ABLIM1: variants seen among roughly 807,000 people sequenced by gnomAD.
ABLIM1 encodes the protein actin-binding LIM protein 1.
Under a neutral mutation model 107.0 loss-of-function variants are expected in ABLIM1, and 40 were observed. The ratio of observed to expected loss-of-function variants is 0.37; its 90% CI spans 0.29 to 0.49. The LOEUF is 0.49. Ranked by LOEUF, ABLIM1 falls within the 20% of genes least tolerant of loss-of-function variation. ABLIM1 has a pLI of 0.97. For synonymous variants in ABLIM1, 357 were observed against 357.3 expected, an observed-to-expected ratio of 1.00 and a Z score of 0.01; for missense variants, 857 against 1,008.5, an observed-to-expected ratio of 0.85 and a Z score of 2.04.
chr10:114,456,934 T>TAAA (rs61165310), intron 12 of ABLIM1, among the ~76,000 whole-genome samples: 23 of 138,186 alleles, frequency 1.7e-4, no homozygotes, highest in East Asian at 4.4e-4. Flanking sequence ...GTTTTTTTTT[T>TAAA]AAAAAAAAAA....
intron 7 of ABLIM1, among the ~76,000 whole-genome samples, chr10:114,491,010 G>GTATATATA (rs1484101683): frequency 5.6e-5 from 5 of 89,186 alleles, no homozygotes; most frequent in African/African-American, 1.0e-4. Context: ...GTGTGTGTGT[G>GTATATATA]TGTATATATA....
intron 1 of ABLIM1, among the ~76,000 whole-genome samples, chr10:114,709,642 G>A (rs2081503170): frequency 6.6e-6 from 1 of 152,102 alleles, no homozygotes; most frequent in Admixed American, 6.6e-5. Flanking sequence ...AAGGCGAAAG[G>A]TTCTTTTCTC....
At chr10:114,714,945 T>G (rs2081629355) in intron 1 of ABLIM1, among the ~76,000 whole-genome samples, 2 of 152,128 alleles carry the variant, frequency 1.3e-5, no homozygotes, top group Admixed American at 6.6e-5. Context: ...ATCTCCCTAT[T>G]ATGCCATGAA....
intron 13 of ABLIM1, among the ~76,000 whole-genome samples, chr10:114,452,232 T>C (rs1216969927): frequency 2.6e-5 from 4 of 152,130 alleles, no homozygotes; most frequent in Non-Finnish European, 5.9e-5. Context: ...GGCCAAATTT[T>C]TTAAAAAAAG....
At chr10:114,643,792 G>T (rs1591710457) in intron 1 of ABLIM1, among the ~76,000 whole-genome samples, 1 of 151,748 alleles carries the variant, frequency 6.6e-6, no homozygotes, top group Non-Finnish European at 1.5e-5. Context: ...CCCAGGCTAG[G>T]TTTAAACTTC....
At chr10:114,763,178 C>T (rs1266607506) in intron 1 of ABLIM1, among the ~76,000 whole-genome samples, 1 of 152,010 alleles carries the variant, frequency 6.6e-6, no homozygotes, top group East Asian at 1.9e-4. Flanking sequence ...TTGAATTGGA[C>T]CGAAAGCTAA....
At chr10:114,666,498 T>C (rs2080030213) in intron 1 of ABLIM1, among the ~76,000 whole-genome samples, 1 of 152,086 alleles carries the variant, frequency 6.6e-6, no homozygotes, top group Admixed American at 6.5e-5. Context: ...CGACGATAGA[T>C]GAAACTAAAG....
intron 1 of ABLIM1, among the ~76,000 whole-genome samples, chr10:114,644,321 ATATATATATG>A (rs1342202792): frequency 1.2e-4 from 15 of 124,444 alleles, no homozygotes; most frequent in African/African-American, 5.1e-4. Context: ...ATATATATAT[ATATATATATG>A]TGTATATATT....
At chr10:114,718,151 A>G (rs896600376) in intron 1 of ABLIM1, among the ~76,000 whole-genome samples, 1 of 151,130 alleles carries the variant, frequency 6.6e-6, no homozygotes, top group African/African-American at 2.4e-5. Context: ...AGAAAGAGAA[A>G]AAAAGAAAAA....
intron 3 of ABLIM1, among the ~76,000 whole-genome samples, chr10:114,573,447 A>G (rs187283360): frequency 6.6e-6 from 1 of 152,350 alleles, no homozygotes; most frequent in East Asian, 1.9e-4. Flanking sequence ...TTGCTGGCTC[A>G]AATGTCCAGG....
At chr10:114,620,615 T>C (rs371289735) in intron 1 of ABLIM1, among the ~76,000 whole-genome samples, 42 of 152,242 alleles carry the variant, frequency 2.8e-4, no homozygotes, top group African/African-American at 9.6e-4. Flanking sequence ...TTTCACCATG[T>C]TGCCCAGGCT....
intron 1 of ABLIM1, among the ~76,000 whole-genome samples, chr10:114,672,657 T>C (rs2080305771): frequency 6.6e-6 from 1 of 152,238 alleles, no homozygotes; most frequent in Non-Finnish European, 1.5e-5. Flanking sequence ...TTTTGTCTTT[T>C]ATGGCTAGTG....
At chr10:114,658,770 A>T (rs1015623864), upstream of ABLIM1, among the ~76,000 whole-genome samples, 1 of 152,120 alleles carries the variant, frequency 6.6e-6, no homozygotes, top group Admixed American at 6.5e-5. Flanking sequence ...CATTTTCTAG[A>T]AGGGGACCCC....
In ABLIM1 at chr10:114,631,393, A is replaced by G. The variant is rs553618005; in HGVS notation, c.244+26564T>C. 2.8e-4 allele frequency among the ~76,000 whole-genome samples: 43 copies of G among 152,174 alleles called. 1 individual carries two copies. Among genetic ancestry groups the G allele is most frequent in the Non-Finnish European group, 5.4e-4 (37 of 68,044 alleles). On this transcript the variant is annotated intron_variant, in intron 1 of 22. Coordinates refer to ENST00000533213, the MANE Select transcript of ABLIM1 (RefSeq NM_002313.7). Reference sequence around the variant, plus strand: ...GGAGGAGTGATTAGGGATAATAGTGAAATGACAGGTTATACACGCAGAGCA... The same window carrying G: ...GGAGGAGTGATTAGGGATAATAGTGGAATGACAGGTTATACACGCAGAGCA...
At position 114,658,232 on chromosome 10, in the gene ABLIM1, G is replaced by T. The variant is rs756339763; in HGVS notation, c.-32C>A. ...ATGGATTTCCAAGCAATGAGAAATG[G>T]GGAGTGGGGACCCAAGGAGCGGTGC... On this transcript the variant is annotated 5_prime_UTR_variant, in exon 1 of 23. Transcript: ENST00000533213. 1.0e-5 allele frequency: 16 copies of T among 1,584,008 alleles called. No homozygotes were observed. Among genetic ancestry groups the T allele is most frequent in the Admixed American group, 3.4e-5 (2 of 58,582 alleles).
At chr10:114,516,503 G>A (rs1360279509) in intron 6 of ABLIM1, among the ~76,000 whole-genome samples, 1 of 152,098 alleles carries the variant, frequency 6.6e-6, no homozygotes, top group Non-Finnish European at 1.5e-5. Flanking sequence ...CAGCCTGGGT[G>A]ACAGAGCAAG....
chr10:114,771,523 T>C (rs1292636476), upstream of ABLIM1, among the ~76,000 whole-genome samples: 1 of 152,222 alleles, frequency 6.6e-6, no homozygotes. Flanking sequence ...AGTTGTGATA[T>C]ATGGAAATGA....
intron 5 of ABLIM1, among the ~76,000 whole-genome samples, chr10:114,546,952 C>T (rs2067426159): frequency 6.6e-6 from 1 of 151,686 alleles, no homozygotes; most frequent in African/African-American, 2.4e-5. Flanking sequence ...GGCTTGCTTG[C>T]TTATTTATTT....
At chr10:114,669,760 T>C (rs1450629783) in intron 1 of ABLIM1, among the ~76,000 whole-genome samples, 1 of 152,146 alleles carries the variant, frequency 6.6e-6, no homozygotes, top group African/African-American at 2.4e-5. Flanking sequence ...GTGGTAGATA[T>C]CTTCAATAGG....
Sources: allele counts gnomAD v4.1 joint callset (sites outside exome capture counted in the v4.1 genomes callset), GRCh38; gene constraint gnomAD v4.1.1; transcripts MANE v1.5; gene names NCBI Gene and HGNC (gene_info 2026-07-23, HGNC 2026-07-21).